The following FAM149B1 variants were observed in gnomAD, a reference collection of about 807,000 sequenced individuals.
The protein encoded by FAM149B1 is primary cilium assembly protein FAM149B1.
FAM149B1 carries 56 observed loss-of-function variants against 75.3 expected under a neutral mutation model. The ratio of observed to expected loss-of-function variants is 0.74; its 90% CI spans 0.60 to 0.93. The LOEUF (loss-of-function observed/expected upper bound fraction) is 0.93. FAM149B1 is among the 40% of genes least tolerant of loss of function. The probability of loss-of-function intolerance (pLI) is 0.00; values close to 1 mark genes in which losing one functional copy is unlikely to be tolerated. For missense variants in FAM149B1, 639 were observed against 708.4 expected, an observed-to-expected ratio of 0.90 and a Z score of 1.11; for synonymous variants, 259 against 256.1, an observed-to-expected ratio of 1.01 and a Z score of -0.11.
chr10:73,191,046 G>C (rs1462090467), intron 3 of FAM149B1, among the ~76,000 whole-genome samples: 2 of 152,004 alleles, frequency 1.3e-5, no homozygotes, highest in East Asian at 3.9e-4. Context: ...TTTGGCTTTT[G>C]TTTTCTTTTT....
At position 73,193,604 on chromosome 10, in the gene FAM149B1, C is replaced by T. The variant is rs1222395985; in HGVS notation, c.542+11C>T. On this transcript the variant is annotated intron_variant, in intron 5 of 13. Transcript: ENST00000242505. ...AAGAGATTCTACTATGTGAGTATTCCATTATGTAAGTACTTCAATGTGCCC... is the reference window on the plus strand; with the variant it reads ...AAGAGATTCTACTATGTGAGTATTCTATTATGTAAGTACTTCAATGTGCCC... 6.5e-7 allele frequency: 1 copy of T among 1,549,034 alleles called. No homozygotes were observed. The highest frequency in any genetic ancestry group is 2.0e-5 in the Admixed American group (1 of 50,756).
At chr10:73,175,119 G>A (rs1843890597) in intron 2 of FAM149B1, among the ~76,000 whole-genome samples, 1 of 152,106 alleles carries the variant, frequency 6.6e-6, no homozygotes, top group South Asian at 2.1e-4. Flanking sequence ...AGCACTATAG[G>A]AGGCCAAAAG....
Position 73,230,428 on chromosome 10 carries a change from C to T in FAM149B1, c.1030C>T (p.Leu344Phe). ...VLYITSNPMS[L>F]CQASRHQPNV... ...GTCTTCTTTCAACACGTAGATGAGT[C>T]TCTGTCAAGCAAGCAGACATCAGCC... The change falls in exon 9 of 14, where the codon CTC becomes TTC. Residue 344 changes from leucine to phenylalanine, a missense_variant. Transcript: ENST00000242505. The T allele has an allele frequency of 1.3e-6, 2 of 1,531,650 alleles. No individual in the cohort carries two copies. Among genetic ancestry groups the T allele is most frequent in the Non-Finnish European group, 1.8e-6 (2 of 1,128,484 alleles). The allele number at this position is 1,531,650 out of a possible 1,614,324, so 94.9% of individuals were successfully genotyped here. A position where few individuals can be genotyped will look rare whatever the true frequency, so the allele number is the denominator to read the frequency against.
rs1258810566 is a variant in FAM149B1, at chr10:73,243,800, G to A, written c.*2781G>A. 1.3e-6 allele frequency: 2 copies of A among 1,512,422 alleles called. No individual in the cohort carries two copies. Among genetic ancestry groups the A allele is most frequent in the African/African-American group, 1.4e-5 (1 of 72,468 alleles). The allele number at this position is 1,512,422 out of a possible 1,614,324, so 93.7% of individuals were successfully genotyped here. A position where few individuals can be genotyped will look rare whatever the true frequency, so the allele number is the denominator to read the frequency against. The stretch of plus-strand genomic sequence containing the variant: ...ATTCCAAAGAAAATATTAGCAGTAG[G>A]AATCAGATCATTAAAGATGTGGCAA... On this transcript the variant is annotated 3_prime_UTR_variant, in exon 14 of 14. Coordinates refer to ENST00000242505, the MANE Select transcript of FAM149B1 (RefSeq NM_173348.2).
intron 7 of FAM149B1, among the ~76,000 whole-genome samples, chr10:73,213,383 G>C (rs1203637848): frequency 1.3e-5 from 2 of 151,870 alleles, no homozygotes; most frequent in Admixed American, 1.3e-4. Flanking sequence ...TTGAAGACTT[G>C]GTCTTAAATT....
Position 73,192,411 on chromosome 10 carries a change from T to C in FAM149B1, c.283-145T>C, listed in dbSNP as rs1051596518. 18 of 752,334 alleles carry C rather than the reference T, an allele frequency of 2.4e-5. No individual in the cohort carries two copies. The African/African-American group carries it at 3.1e-4, about 13-fold the overall frequency. 46.6% of individuals were successfully genotyped at this position (752,334 alleles called of 1,614,324 possible). A position where few individuals can be genotyped will look rare whatever the true frequency, so the allele number is the denominator to read the frequency against. On this transcript the variant is annotated intron_variant, in intron 3 of 13. Coordinates refer to ENST00000242505, the MANE Select transcript of FAM149B1 (RefSeq NM_173348.2). Reference sequence around the variant, plus strand: ...TCCGAGATCTGAAAACTCACTAATTTAACTTTTCTTTCGTGGAAACACAGC... The same window carrying C: ...TCCGAGATCTGAAAACTCACTAATTCAACTTTTCTTTCGTGGAAACACAGC...
At chr10:73,216,052 T>C (rs1012810327) in intron 7 of FAM149B1, among the ~76,000 whole-genome samples, 1 of 152,234 alleles carries the variant, frequency 6.6e-6, no homozygotes, top group Non-Finnish European at 1.5e-5. Context: ...TTAGGTCTAA[T>C]AATATTTGTT....
intron 5 of FAM149B1, chr10:73,200,750 G>A (rs766494749): frequency 2.6e-5 from 12 of 454,150 alleles, no homozygotes; most frequent in East Asian, 1.0e-4. Context: ...TGAAGGAATC[G>A]AACAGTTTTA....
chr10:73,223,733 GGT>G (rs2043470869), intron 7 of FAM149B1, among the ~76,000 whole-genome samples: 1 of 117,352 alleles, frequency 8.5e-6, no homozygotes, highest in East Asian at 2.2e-4. Flanking sequence ...ATGTGTGTTA[GGT>G]TTTTTTTTTT....
At chr10:73,171,012 G>A (rs1480368011) in intron 1 of FAM149B1, among the ~76,000 whole-genome samples, 1 of 151,520 alleles carries the variant, frequency 6.6e-6, no homozygotes, top group Admixed American at 6.6e-5. Context: ...CTGTTGCACA[G>A]GTTGGAGTGC....
chr10:73,193,550 G>T lies in FAM149B1; in HGVS notation c.499G>T (p.Ala167Ser), dbSNP rs61740304. 664 of 1,550,406 alleles carry T rather than the reference G, an allele frequency of 4.3e-4. 1 individual carries two copies. The African/African-American group carries it at 8.2e-3, about 19-fold the overall frequency. ...TCCTAGATCCCCTTCTGCTGTTTCCGCTTCATATGAAACAACCTTGTCTCA... is the reference window on the plus strand; with the variant it reads ...TCCTAGATCCCCTTCTGCTGTTTCCTCTTCATATGAAACAACCTTGTCTCA... Reference protein sequence around the residue: ...LYPRSPSAVSASYETTLSQER... With the variant: ...LYPRSPSAVSSSYETTLSQER... Residue 167 changes from alanine to serine, a missense_variant, in exon 5 of 14, where the codon GCT (alanine) becomes TCT (serine). Ala to Ser is a moderately conservative substitution (Grantham distance 99). Transcript: ENST00000242505.
Position 73,230,463 on chromosome 10 carries a change from T to C in FAM149B1, c.1065T>C (p.Asn355=). 6.4e-7 allele frequency: 1 copy of C among 1,550,678 alleles called. No individual in the cohort carries two copies. The highest frequency in any genetic ancestry group is 8.7e-7 in the Non-Finnish European group (1 of 1,145,826). ...CAAGCAGACATCAGCCAAATGTGAA[T>C]GATCTCTTGGTTCATGGAATGCCTC... is the stretch of plus-strand genomic sequence containing the variant. The part of the protein sequence containing the change: ...CQASRHQPNV[N]DLLVHGMPLQ... The change falls in exon 9 of 14, where the codon AAT becomes AAC. Residue 355 remains asparagine, a synonymous_variant. Transcript: ENST00000242505.
At chr10:73,223,334 C>T (rs1023945345) in intron 7 of FAM149B1, among the ~76,000 whole-genome samples, 1 of 152,064 alleles carries the variant, frequency 6.6e-6, no homozygotes, top group Non-Finnish European at 1.5e-5. Flanking sequence ...ATGCATCTGG[C>T]TTCTTTTATT....
chr10:73,169,634 AT>A (rs1224754704), intron 1 of FAM149B1, among the ~76,000 whole-genome samples: 3 of 150,868 alleles, frequency 2.0e-5, no homozygotes, highest in Non-Finnish European at 4.4e-5. Flanking sequence ...TTAAAAAAAA[AT>A]TTTTTTTTGG....
intron 5 of FAM149B1, among the ~76,000 whole-genome samples, chr10:73,194,711 C>G (rs2042760511): frequency 6.8e-6 from 1 of 147,210 alleles, no homozygotes; most frequent in South Asian, 2.2e-4. Flanking sequence ...GAATCTTGCT[C>G]TGTCACCAAG....
At chr10:73,200,154 C>T (rs1267660061) in intron 5 of FAM149B1, 2 of 184,462 alleles carry the variant, frequency 1.1e-5, no homozygotes, top group African/African-American at 2.4e-5. Flanking sequence ...CATGGTGAAA[C>T]CCTGTCTCTA....
intron 9 of FAM149B1, chr10:73,231,383 T>C (rs573888736): frequency 6.6e-6 from 1 of 152,362 alleles, no homozygotes; most frequent in South Asian, 2.1e-4. Flanking sequence ...GGTATATGTT[T>C]AGTTTCATAG....
intron 9 of FAM149B1, 98 bp downstream of exon 9, chr10:73,230,623 G>A: frequency 3.0e-6 from 2 of 677,224 alleles, no homozygotes; most frequent in Admixed American, 4.5e-5. Context: ...TGCCAACCAA[G>A]CAACCACAAA....
At chr10:73,227,172 C>T (rs2133394159) in intron 7 of FAM149B1, among the ~76,000 whole-genome samples, 1 of 152,310 alleles carries the variant, frequency 6.6e-6, no homozygotes, top group Admixed American at 6.5e-5. Flanking sequence ...ACTACAGCCT[C>T]AACTACCTGG....
Sources: allele counts gnomAD v4.1 joint callset (sites outside exome capture counted in the v4.1 genomes callset), GRCh38; gene constraint gnomAD v4.1.1; transcripts MANE v1.5; gene names NCBI Gene and HGNC (gene_info 2026-07-23, HGNC 2026-07-21).